The following CNTNAP2 variants were observed in gnomAD, a reference collection of about 807,000 sequenced individuals.
CNTNAP2 encodes the protein contactin associated protein 2.
CNTNAP2 carries 98 observed loss-of-function variants against 155.2 expected under a neutral mutation model. The observed-to-expected ratio is 0.63, with a 90% CI of 0.54 to 0.75. The LOEUF (loss-of-function observed/expected upper bound fraction) is 0.75. Among genes scored for constraint, CNTNAP2 ranks in the 30% least tolerant of loss-of-function variants. The probability of loss-of-function intolerance (pLI) is 0.00; values close to 1 mark genes in which losing one functional copy is unlikely to be tolerated. For missense variants in CNTNAP2, 1,727 were observed against 1,688.1 expected (o/e 1.02, Z -0.40); for synonymous variants, 651 against 631.2 (o/e 1.03, Z -0.47).
chr7:148,158,456 C>A (rs894637647), intron 17 of CNTNAP2, among the ~76,000 whole-genome samples: 3 of 152,108 alleles, frequency 2.0e-5, no homozygotes, highest in African/African-American at 7.2e-5. Context: ...CTCTCGAGCT[C>A]ATGATCCGCT....
chr7:146,938,083 G>A (rs1366519606), intron 3 of CNTNAP2, among the ~76,000 whole-genome samples: 3 of 152,108 alleles, frequency 2.0e-5, no homozygotes, highest in African/African-American at 7.2e-5. Context: ...GACAATAAAA[G>A]AGGTAGTTAA....
At chr7:146,215,470 C>T (rs17169989) in intron 1 of CNTNAP2, among the ~76,000 whole-genome samples, 16,998 of 151,948 alleles carry the variant, frequency 0.11, 1,067 homozygotes, top group African/African-American at 0.18. Flanking sequence ...AGCTAAAAAT[C>T]GTTATGTGAT....
intron 1 of CNTNAP2, among the ~76,000 whole-genome samples, chr7:146,670,711 C>T (rs1278275269): frequency 6.6e-6 from 1 of 152,054 alleles, no homozygotes; most frequent in Non-Finnish European, 1.5e-5. Context: ...ACAAGGAGAC[C>T]AGTACTGCCA....
chr7:147,288,575 C>T (rs73467106), intron 8 of CNTNAP2, among the ~76,000 whole-genome samples: 8,996 of 152,266 alleles, frequency 0.059, 364 homozygotes, highest in African/African-American at 0.12. Flanking sequence ...ATGATCATCA[C>T]GTGCTTCTTC....
chr7:146,512,433 A>C (rs1443316201), intron 1 of CNTNAP2, among the ~76,000 whole-genome samples: 1 of 146,968 alleles, frequency 6.8e-6, no homozygotes, highest in Non-Finnish European at 1.5e-5. Flanking sequence ...ATTGCTATAA[A>C]TTTTCCCTTT....
At chr7:148,006,092 C>A (rs1224346301) in intron 15 of CNTNAP2, among the ~76,000 whole-genome samples, 1 of 152,002 alleles carries the variant, frequency 6.6e-6, no homozygotes, top group East Asian at 1.9e-4. Flanking sequence ...AAGATGAACC[C>A]ATTACTAACA....
intron 13 of CNTNAP2, among the ~76,000 whole-genome samples, chr7:147,783,211 T>C (rs1378702254): frequency 6.6e-6 from 1 of 152,230 alleles, no homozygotes; most frequent in Admixed American, 6.5e-5. Flanking sequence ...AGTTGGGAAT[T>C]GTGTGCCCAT....
chr7:146,757,863 A>G (rs947899728), intron 1 of CNTNAP2, among the ~76,000 whole-genome samples: 1 of 152,118 alleles, frequency 6.6e-6, no homozygotes, highest in Admixed American at 6.5e-5. Context: ...CTTGGTGGCT[A>G]TATGAACTTC....
intron 3 of CNTNAP2, among the ~76,000 whole-genome samples, chr7:146,970,008 T>G (rs914617002): frequency 6.6e-6 from 1 of 152,204 alleles, no homozygotes; most frequent in East Asian, 1.9e-4. Context: ...GCTAGCCATA[T>G]GTAGAAAGCT....
chr7:146,249,750 G>A (rs1353579964), intron 1 of CNTNAP2, among the ~76,000 whole-genome samples: 1 of 152,006 alleles, frequency 6.6e-6, no homozygotes, highest in Non-Finnish European at 1.5e-5. Flanking sequence ...CACTGAACAA[G>A]TTTATTTCAA....
At chr7:146,970,942 T>C (rs1293757840) in intron 3 of CNTNAP2, among the ~76,000 whole-genome samples, 1 of 152,120 alleles carries the variant, frequency 6.6e-6, no homozygotes, top group Admixed American at 6.6e-5. Context: ...ATCATCATTC[T>C]CGGTAAACTA....
At chr7:147,195,887 AC>A (rs1266495256) in intron 8 of CNTNAP2, among the ~76,000 whole-genome samples, 5 of 152,168 alleles carry the variant, frequency 3.3e-5, no homozygotes, top group Non-Finnish European at 7.3e-5. Context: ...TGTCTCTCCC[AC>A]CACAACATTT....
intron 11 of CNTNAP2, among the ~76,000 whole-genome samples, chr7:147,550,598 G>T (rs1244359530): frequency 6.6e-6 from 1 of 152,158 alleles, no homozygotes; most frequent in Admixed American, 6.6e-5. Context: ...GTGGAAGAAA[G>T]TCTCAAACTG....
At chr7:147,521,046 C>T (rs6958372) in intron 11 of CNTNAP2, among the ~76,000 whole-genome samples, 9,479 of 152,268 alleles carry the variant, frequency 0.062, 980 homozygotes, top group African/African-American at 0.22. Context: ...GGATCAGACA[C>T]CTGATCTCTG....
Position 148,212,053 on chromosome 7 carries a change from T to C in CNTNAP2, c.3011-5235T>C, listed in dbSNP as rs77024582. ...TGAAAAGGCAAAAGGAATAGAATTA[T>C]TTAACTTGGAGAAGAGAAAGATGAA... On this transcript the variant is annotated intron_variant, in intron 18 of 23. Coordinates refer to ENST00000361727, the MANE Select transcript of CNTNAP2 (RefSeq NM_014141.6). Among the ~76,000 whole-genome samples, 922 of 152,218 alleles carry C rather than the reference T, an allele frequency of 6.1e-3. 24 individuals are homozygous for C. The East Asian group carries it at 0.093, about 15-fold the overall frequency.
chr7:147,728,115 A>G lies in CNTNAP2; in HGVS notation c.2098+88809A>G, dbSNP rs1370633603. On this transcript the variant is annotated intron_variant, in intron 13 of 23. Coordinates refer to ENST00000361727, the MANE Select transcript of CNTNAP2 (RefSeq NM_014141.6). ...TACTCAATCCAGTGAGAAAATTGCCATAGACGACTTTTCAGATAACAATGA... is the reference window on the plus strand; with the variant it reads ...TACTCAATCCAGTGAGAAAATTGCCGTAGACGACTTTTCAGATAACAATGA... Among the ~76,000 whole-genome samples the G allele has an allele frequency of 3.3e-5, 5 of 152,000 alleles. No individual in the cohort carries two copies. The East Asian group carries it at 7.8e-4, about 24-fold the overall frequency.
intron 1 of CNTNAP2, among the ~76,000 whole-genome samples, chr7:146,711,419 T>C (rs1217852649): frequency 6.8e-6 from 1 of 147,596 alleles, no homozygotes; most frequent in Non-Finnish European, 1.5e-5. Flanking sequence ...CTATGTAATA[T>C]ATAATATATA....
At chr7:147,247,347 C>T (rs1804090456) in intron 8 of CNTNAP2, among the ~76,000 whole-genome samples, 1 of 152,050 alleles carries the variant, frequency 6.6e-6, no homozygotes, top group Non-Finnish European at 1.5e-5. Flanking sequence ...AACTATAATG[C>T]CCATCAAAAC....
At chr7:146,600,152 C>T (rs957281511) in intron 1 of CNTNAP2, among the ~76,000 whole-genome samples, 15 of 152,072 alleles carry the variant, frequency 9.9e-5, no homozygotes, top group Middle Eastern at 3.4e-3. Flanking sequence ...TCGTAAGCAA[C>T]ACTCCATAAT....
Sources: gnomAD v4.1 joint callset for allele counts (sites outside exome capture counted in the v4.1 genomes callset) on GRCh38, gnomAD v4.1.1 for gene constraint, MANE v1.5 for transcripts, NCBI Gene and HGNC (gene_info 2026-07-23, HGNC 2026-07-21) for gene names.